DOCK10: variants seen among roughly 807,000 people sequenced by gnomAD.
The protein encoded by DOCK10 is dedicator of cytokinesis protein 10.
A neutral mutation model predicts 280.1 loss-of-function variants in DOCK10; 145 were observed. That is an observed-to-expected ratio of 0.52 (90% CI 0.45 to 0.59). The LOEUF is 0.59. Among genes scored for constraint, DOCK10 ranks in the 20% least tolerant of loss-of-function variants. The pLI is 0.00. For missense variants in DOCK10, 2,368 were observed against 2,651.7 expected (o/e 0.89, Z 2.35); for synonymous variants, 915 against 942.2 (o/e 0.97, Z 0.53).
At chr2:225,041,779 G>A (rs1690430895) in intron 1 of DOCK10, among the ~76,000 whole-genome samples, 1 of 152,144 alleles carries the variant, frequency 6.6e-6, no homozygotes, top group African/African-American at 2.4e-5. Context: ...ACCAGGGCGA[G>A]GACCACGGAC....
intron 11 of DOCK10, among the ~76,000 whole-genome samples, chr2:224,873,313 A>C (rs533306193): frequency 6.6e-6 from 1 of 152,180 alleles, no homozygotes. Context: ...GTGGTAGCTC[A>C]TGCCTGTAAT....
intron 19 of DOCK10, among the ~76,000 whole-genome samples, chr2:224,846,742 G>A (rs1041190253): frequency 1.5e-4 from 23 of 152,230 alleles, no homozygotes; most frequent in African/African-American, 4.8e-4. Flanking sequence ...TGATCCACCC[G>A]TCTCGGCCTC....
chr2:224,862,320 A>G (rs1697560622), intron 14 of DOCK10: 1 of 175,010 alleles, frequency 5.7e-6, no homozygotes, highest in African/African-American at 2.4e-5. Flanking sequence ...TTTTAGGCAC[A>G]CCAGACTCTC....
chr2:224,844,558 C>T (rs1026560311), intron 22 of DOCK10, among the ~76,000 whole-genome samples, 195 bp downstream of exon 22: 1 of 152,164 alleles, frequency 6.6e-6, no homozygotes, highest in Non-Finnish European at 1.5e-5. Flanking sequence ...GGTGTCTGGG[C>T]TTAAGGGATT....
chr2:224,874,433 C>T (rs916065754), intron 9 of DOCK10, 84 bp from the exon 10 acceptor site: 13 of 1,108,410 alleles, frequency 1.2e-5, no homozygotes, highest in Admixed American at 4.5e-5. Flanking sequence ...GAAGCAGCCC[C>T]TTAGTATTAT....
chr2:224,782,984 A>T (rs907096441), intron 50 of DOCK10, among the ~76,000 whole-genome samples: 3 of 152,196 alleles, frequency 2.0e-5, no homozygotes, highest in Non-Finnish European at 4.4e-5. Flanking sequence ...GTTCGGGGGA[A>T]TGCTCAAGTC....
chr2:224,936,897 C>T (rs1335749755), intron 1 of DOCK10, among the ~76,000 whole-genome samples: 1 of 152,034 alleles, frequency 6.6e-6, no homozygotes, highest in Admixed American at 6.6e-5. Flanking sequence ...ATTGTTTACC[C>T]TCTGAAAATC....
chr2:224,826,258 T>A (rs1694843188), intron 27 of DOCK10, among the ~76,000 whole-genome samples: 1 of 152,108 alleles, frequency 6.6e-6, no homozygotes, highest in Non-Finnish European at 1.5e-5. Context: ...GAGATGGGGT[T>A]TTGCCATTTT....
At chr2:224,780,597 G>T (rs1017634259) in intron 50 of DOCK10, among the ~76,000 whole-genome samples, 2 of 152,148 alleles carry the variant, frequency 1.3e-5, no homozygotes, top group East Asian at 3.9e-4. Flanking sequence ...AGTGGTGGGA[G>T]GCAGGTAAAA....
Position 224,852,247 on chromosome 2 carries a change from A to C in DOCK10, c.2142+130T>G, listed in dbSNP as rs1029913037. 9 of 668,192 alleles carry C rather than the reference A, an allele frequency of 1.3e-5. No individual in the cohort carries two copies. In the African/African-American group the frequency reaches 1.6e-4, roughly 12 times the overall value. The allele number at this position is 668,192 out of a possible 1,614,324, so 41.4% of individuals were successfully genotyped here. A position where few individuals can be genotyped will look rare whatever the true frequency, so the allele number is the denominator to read the frequency against. On this transcript the variant is annotated intron_variant, in intron 18 of 55. Coordinates refer to ENST00000258390, the MANE Select transcript of DOCK10 (RefSeq NM_014689.3). ...AGGACTGTTAAATCAGGTATGTTTC[A>C]GATCTAAAACAAATGTATTAAATTA...
intron 31 of DOCK10, among the ~76,000 whole-genome samples, chr2:224,810,041 C>A (rs1693658673): frequency 7.0e-6 from 1 of 143,380 alleles, no homozygotes; most frequent in Non-Finnish European, 1.5e-5. Flanking sequence ...TACAGGTGAA[C>A]CTAAGAGTCA....
intron 1 of DOCK10, among the ~76,000 whole-genome samples, chr2:224,943,457 T>C (rs1423520631): frequency 6.6e-6 from 1 of 152,222 alleles, no homozygotes; most frequent in Admixed American, 6.5e-5. Flanking sequence ...TTGAGATTAC[T>C]GTAAAATTAA....
intron 28 of DOCK10, among the ~76,000 whole-genome samples, chr2:224,820,486 A>C (rs1327950472): frequency 6.6e-6 from 1 of 152,202 alleles, no homozygotes; most frequent in Non-Finnish European, 1.5e-5. Context: ...CTATTCACCC[A>C]CGTGGGTGTG....
At chr2:224,974,300 T>C (rs529180542) in intron 1 of DOCK10, among the ~76,000 whole-genome samples, 1 of 152,266 alleles carries the variant, frequency 6.6e-6, no homozygotes, top group East Asian at 1.9e-4. Flanking sequence ...AAAACTAAAA[T>C]ACGTTCCAGC....
chr2:224,840,684 A>C (rs996615760), intron 23 of DOCK10, among the ~76,000 whole-genome samples: 1 of 152,212 alleles, frequency 6.6e-6, no homozygotes, highest in Non-Finnish European at 1.5e-5. Flanking sequence ...CAGAAGAGCC[A>C]CTATGGAAAA....
At chr2:224,979,530 C>T (rs1350959152) in intron 1 of DOCK10, among the ~76,000 whole-genome samples, 4 of 152,258 alleles carry the variant, frequency 2.6e-5, no homozygotes, top group African/African-American at 4.8e-5. Flanking sequence ...TTGCCTTCTA[C>T]GACCCACTCC....
At chr2:224,929,237 T>C (rs1702194686) in intron 2 of DOCK10, among the ~76,000 whole-genome samples, 1 of 152,228 alleles carries the variant, frequency 6.6e-6, no homozygotes, top group Admixed American at 6.5e-5. Flanking sequence ...TAAGTAAATC[T>C]TTAATAAGTA....
At chr2:224,768,072 C>T (rs557604193) in intron 55 of DOCK10, among the ~76,000 whole-genome samples, 66 of 152,048 alleles carry the variant, frequency 4.3e-4, no homozygotes, top group African/African-American at 1.5e-3. Context: ...TGCCACCACA[C>T]AGGCTAATTT....
rs145678353 is a variant in DOCK10, at chr2:225,036,341, G to A, written c.123+5911C>T. ...TAACAATGAACTAAATCCCATTTTC[G>A]TTTCTAAGTGGTCTAAACCTCATGT... On this transcript the variant is annotated intron_variant, in intron 1 of 55. Coordinates refer to ENST00000258390, the MANE Select transcript of DOCK10 (RefSeq NM_014689.3). Among the ~76,000 whole-genome samples the A allele has an allele frequency of 1.7e-3, 258 of 152,186 alleles. 1 individual carries two copies. Among genetic ancestry groups the A allele is most frequent in the African/African-American group, 5.7e-3 (237 of 41,520 alleles).
Sources: allele counts gnomAD v4.1 joint callset (sites outside exome capture counted in the v4.1 genomes callset), GRCh38; gene constraint gnomAD v4.1.1; transcripts MANE v1.5; gene names NCBI Gene and HGNC (gene_info 2026-07-23, HGNC 2026-07-21).